The following KRT23 variants were observed in gnomAD, a reference collection of about 807,000 sequenced individuals.
KRT23 encodes the protein keratin 23.
Under a neutral mutation model 47.6 loss-of-function variants are expected in KRT23, and 38 were observed. The ratio of observed to expected loss-of-function variants is 0.80; its 90% CI spans 0.62 to 1.05. KRT23 has a LOEUF of 1.05. Ranked by LOEUF, KRT23 falls within the 50% of genes least tolerant of loss-of-function variation. The pLI, the probability that KRT23 is intolerant of heterozygous loss-of-function variation, is 0.00. For missense variants in KRT23, 503 were observed against 529.5 expected (o/e 0.95, Z 0.49); for synonymous variants, 191 against 199.0 (o/e 0.96, Z 0.34).
rs1909174110 is a variant in KRT23 at position 40,925,520 on chromosome 17, G to A, written c.976C>T (p.Leu326Phe). The change falls in exon 7 of 9, where the codon CTC becomes TTC. Residue 326 changes from leucine (L) to phenylalanine (F), a missense_variant. Physicochemically the swap from Leu to Phe is conservative, Grantham distance 22 (BLOSUM62 0). Coordinates refer to ENST00000209718, the MANE Select transcript of KRT23 (RefSeq NM_015515.5). ...GAGATGATCTCTTGCATGTCCTGGA[G>A]CTTGCAGGAGTACCGAGACTGGGTC... Reference protein sequence around the residue: ...SETQSRYSCKLQDMQEIISHY... With the variant: ...SETQSRYSCKFQDMQEIISHY... 2 of 1,614,044 alleles carry A rather than the reference G, an allele frequency of 1.2e-6. No individual in the cohort carries two copies. The highest frequency in any genetic ancestry group is 1.7e-5 in the Admixed American group (1 of 60,012).
rs561065227 is a variant in KRT23, at chr17:40,935,003, C to T, written c.396+1205G>A. Reference sequence around the variant, plus strand: ...CTAACCTTGTATTTCTTTTGGGAGTCATGGTCTCCCTTTGCTCTCCATTTG... The same window carrying T: ...CTAACCTTGTATTTCTTTTGGGAGTTATGGTCTCCCTTTGCTCTCCATTTG... On this transcript the variant is annotated intron_variant, in intron 2 of 8. Coordinates refer to ENST00000209718, the MANE Select transcript of KRT23 (RefSeq NM_015515.5). Among the ~76,000 whole-genome samples the T allele has an allele frequency of 3.3e-5, 5 of 152,070 alleles. No individual in the cohort carries two copies. The South Asian group carries it at 1.0e-3, about 32-fold the overall frequency.
rs144458191 is a variant in KRT23, at chr17:40,928,261, C to T, written c.898G>A (p.Asp300Asn). ...LKRTFQALEIDLQTQYSTKSA... is the reference protein window; with the variant it reads ...LKRTFQALEINLQTQYSTKSA... ...ACCGTGCTGTACTGTGTCTGCAGGT[C>T]AATCTCCAGGGCCTGGAATGTGCGC... The change falls in exon 6 of 9, where the codon GAC (aspartate) becomes AAC (asparagine). Residue 300 changes from aspartate to asparagine, a missense_variant. Asp to Asn is a conservative substitution (Grantham distance 23). Coordinates refer to ENST00000209718, the MANE Select transcript of KRT23 (RefSeq NM_015515.5). The T allele has an allele frequency of 1.2e-5, 19 of 1,613,998 alleles. No individual in the cohort carries two copies. The highest frequency in any genetic ancestry group is 2.7e-5 in the African/African-American group (2 of 74,902).
At position 40,927,663 on chromosome 17, in the gene KRT23, A is replaced by G. The variant is rs115508799; in HGVS notation, c.921+575T>C. On this transcript the variant is annotated intron_variant, in intron 6 of 8. Coordinates refer to ENST00000209718, the MANE Select transcript of KRT23 (RefSeq NM_015515.5). ...TTTCTAAACTGTGAAGATGATAGAA[A>G]TGACTTGGACACAAGAACTTAGAGT... 6.5e-3 allele frequency among the ~76,000 whole-genome samples: 983 copies of G among 152,324 alleles called. 7 individuals carry two copies. The highest frequency in any genetic ancestry group is 0.023 in the African/African-American group (939 of 41,554).
intron 6 of KRT23, among the ~76,000 whole-genome samples, chr17:40,927,091 A>G (rs1909269320): frequency 6.6e-6 from 1 of 152,172 alleles, no homozygotes; most frequent in African/African-American, 2.4e-5. Flanking sequence ...CTCTAACAGG[A>G]AAACCTTTCC....
In KRT23 at chr17:40,936,712, G is replaced by T; in HGVS notation, c.-109C>A. The stretch of plus-strand genomic sequence containing the variant: ...TGGTTTTATGGCCTTTGCTGTGGGA[G>T]TTCCCTTCTCTGACAATTGTACCAA... On this transcript the variant is annotated 5_prime_UTR_variant, in exon 2 of 9. Coordinates refer to ENST00000209718, the MANE Select transcript of KRT23 (RefSeq NM_015515.5). The T allele has an allele frequency of 9.9e-7, 1 of 1,011,750 alleles. No homozygotes were observed. Among genetic ancestry groups the T allele is most frequent in the Non-Finnish European group, 1.4e-6 (1 of 736,052 alleles). The allele number at this position is 1,011,750 out of a possible 1,614,324, so 62.7% of individuals were successfully genotyped here. A position where few individuals can be genotyped will look rare whatever the true frequency, so the allele number is the denominator to read the frequency against.
At chr17:40,929,050 A>AG in intron 4 of KRT23, among the ~76,000 whole-genome samples, 1 of 149,250 alleles carries the variant, frequency 6.7e-6, no homozygotes, top group African/African-American at 2.5e-5. Context: ...AAAAAAAAAA[A>AG]GAATATCATA....
chr17:40,935,111 GT>G (rs61234380), intron 2 of KRT23, among the ~76,000 whole-genome samples: 100 of 137,166 alleles, frequency 7.3e-4, no homozygotes, highest in Non-Finnish European at 9.5e-4. Flanking sequence ...GAGTCACCTT[GT>G]TTTTTTTTTT....
intron 8 of KRT23, 24 bp from the exon 9 acceptor site, chr17:40,923,107 G>A: frequency 6.7e-7 from 1 of 1,503,012 alleles, no homozygotes; most frequent in Non-Finnish European, 9.3e-7. Context: ...CATGGAAGAT[G>A]TCACTGCCAT....
intron 8 of KRT23, among the ~76,000 whole-genome samples, chr17:40,923,682 C>G (rs931811492): frequency 2.6e-5 from 4 of 152,188 alleles, no homozygotes; most frequent in Non-Finnish European, 5.9e-5. Flanking sequence ...TATGGGTTCC[C>G]CATCCTAAGA....
At chr17:40,937,260 CTGTT>C (rs1179980786) in intron 1 of KRT23, 82 bp downstream of exon 1, 1 of 152,220 alleles carries the variant, frequency 6.6e-6, no homozygotes, top group African/African-American at 2.4e-5. Flanking sequence ...GTGGCAGTCA[CTGTT>C]TGAAGGAAAG....
chr17:40,928,103 A>G (rs1597877340), intron 6 of KRT23, 135 bp downstream of exon 6: 1 of 1,127,604 alleles, frequency 8.9e-7, no homozygotes, highest in East Asian at 2.3e-5. Context: ...GGTTCTCATC[A>G]TAAACAATTT....
intron 8 of KRT23, 98 bp from the exon 9 acceptor site, chr17:40,923,181 C>G: frequency 1.2e-6 from 1 of 846,698 alleles, no homozygotes; most frequent in Non-Finnish European, 1.9e-6. Context: ...TGAAGGCTCT[C>G]AGTGCCTTCC....
In KRT23 at chr17:40,928,479, C is replaced by T; in HGVS notation, c.765G>A (p.Lys255=). 1.2e-6 allele frequency: 2 copies of T among 1,614,114 alleles called. No homozygotes were observed. Among genetic ancestry groups the T allele is most frequent in the East Asian group, 2.2e-5 (1 of 44,874 alleles). The change falls in exon 5 of 9, where the codon AAG becomes AAA. Residue 255 remains lysine, a synonymous_variant. Coordinates refer to ENST00000209718, the MANE Select transcript of KRT23 (RefSeq NM_015515.5). ...TATACCAAGTGTCCAAGTCTCGATG[C>T]TTCTTCTTTATTATAAGCTCATATT... ...RQEYELIIKK[K]HRDLDTWYKE... is the part of the protein sequence containing the mutation.
intron 4 of KRT23, among the ~76,000 whole-genome samples, chr17:40,929,139 T>C (rs1168991803): frequency 6.6e-6 from 1 of 151,964 alleles, no homozygotes; most frequent in South Asian, 2.1e-4. Context: ...TATGCTTCCA[T>C]AGTGTGCAAA....
intron 3 of KRT23, 25 bp from the exon 4 acceptor site, chr17:40,930,121 T>C (rs1188054578): frequency 1.3e-6 from 2 of 1,599,914 alleles, no homozygotes; most frequent in East Asian, 2.2e-5. Context: ...AAGAGAAGAG[T>C]GCACTCATTG....
chr17:40,930,485 G>A (rs994753668), intron 3 of KRT23, among the ~76,000 whole-genome samples: 22 of 152,226 alleles, frequency 1.4e-4, no homozygotes, highest in South Asian at 1.2e-3. Flanking sequence ...AAATAAACAG[G>A]CCGGGCACGG....
intron 6 of KRT23, among the ~76,000 whole-genome samples, chr17:40,927,019 C>T (rs1271069198): frequency 2.0e-5 from 3 of 152,142 alleles, no homozygotes; most frequent in Non-Finnish European, 2.9e-5. Flanking sequence ...TTGCTGTTCC[C>T]TCCTCTTGGA....
At chr17:40,924,655 T>A in intron 7 of KRT23, 152 bp from the exon 8 acceptor site, 1 of 641,992 alleles carries the variant, frequency 1.6e-6, no homozygotes. Flanking sequence ...GGTCATGGGT[T>A]CACGGGAGAA....
At chr17:40,931,323 G>T (rs1357999083) in intron 3 of KRT23, 50 bp downstream of exon 3, 3 of 1,437,802 alleles carry the variant, frequency 2.1e-6, no homozygotes, top group South Asian at 2.3e-5. Flanking sequence ...TTTTCCTTTT[G>T]TAAAGCAAAC....
Sources: gnomAD v4.1 joint callset for allele counts (sites outside exome capture counted in the v4.1 genomes callset) on GRCh38, gnomAD v4.1.1 for gene constraint, MANE v1.5 for transcripts, NCBI Gene and HGNC (gene_info 2026-07-23, HGNC 2026-07-21) for gene names.